Variants in CDC25C observed in about 807,000 individuals in gnomAD.
CDC25C encodes M-phase inducer phosphatase 3.
Under a neutral mutation model 52.5 loss-of-function variants are expected in CDC25C, and 48 were observed. That is an observed-to-expected ratio of 0.91 (90% confidence interval 0.72 to 1.16). The LOEUF (loss-of-function observed/expected upper bound fraction) is 1.16. Ranked by LOEUF, CDC25C falls within the 50% of genes most tolerant of loss-of-function variation. CDC25C has a pLI of 0.00. For missense variants in CDC25C, 510 were observed against 566.1 expected (o/e 0.90, Z 1.01); for synonymous variants, 187 against 206.5 (o/e 0.91, Z 0.81).
chr5:138,326,795 A>G (rs1319413446), intron 4 of CDC25C, among the ~76,000 whole-genome samples: 1 of 152,004 alleles, frequency 6.6e-6, no homozygotes, highest in Non-Finnish European at 1.5e-5. Flanking sequence ...TCTACTAAAA[A>G]TACAAAATTA....
At chr5:138,317,682 T>TAAAAAAAAAAAAAAA (rs70982706) in intron 7 of CDC25C, among the ~76,000 whole-genome samples, 5 of 54,246 alleles carry the variant, frequency 9.2e-5, no homozygotes, top group Non-Finnish European at 9.4e-5. Flanking sequence ...CCTGTCTATC[T>TAAAAAAAAAAAAAAA]AAAAAAAAAA....
At chr5:138,291,857 G>T in intron 8 of CDC25C, 113 bp downstream of exon 8, 1 of 744,850 alleles carries the variant, frequency 1.3e-6, no homozygotes, top group East Asian at 2.7e-5. Flanking sequence ...AGAGGAAAAA[G>T]TAAAAGTAAA....
At chr5:138,300,895 C>T (rs534286653) in intron 7 of CDC25C, among the ~76,000 whole-genome samples, 3 of 152,178 alleles carry the variant, frequency 2.0e-5, no homozygotes, top group African/African-American at 7.2e-5. Flanking sequence ...AAATAACAAG[C>T]TTCTAAGTAA....
chr5:138,298,867 AC>A (rs1757411318), intron 7 of CDC25C, among the ~76,000 whole-genome samples: 1 of 152,104 alleles, frequency 6.6e-6, no homozygotes, highest in Non-Finnish European at 1.5e-5. Context: ...AAATCAGTTA[AC>A]AGAAAAAATC....
chr5:138,290,488 C>T, intron 9 of CDC25C, 151 bp downstream of exon 9: 1 of 582,492 alleles, frequency 1.7e-6, no homozygotes, highest in Non-Finnish European at 3.1e-6. Context: ...TCTGGAAAGG[C>T]TTAGGGCCTG....
intron 7 of CDC25C, among the ~76,000 whole-genome samples, chr5:138,303,650 A>C (rs1424596053): frequency 6.6e-6 from 1 of 151,838 alleles, no homozygotes; most frequent in Non-Finnish European, 1.5e-5. Flanking sequence ...CTCAAACGTC[A>C]CTCTCAAATA....
At position 138,325,837 on chromosome 5, in the gene CDC25C, C is replaced by G; in HGVS notation, c.437G>C (p.Ser146Thr). Residue 146 changes from serine (S) to threonine (T), a missense_variant, in exon 6 of 14, where the codon AGT (serine) becomes ACT (threonine). Ser to Thr is a moderately conservative substitution (Grantham distance 58). Transcript: ENST00000323760. Reference protein sequence around the residue: ...RGHRKRDAMCSSSANKENDNG... With the variant: ...RGHRKRDAMCTSSANKENDNG... ...CACATTTTCTTTATTTGCAGATGAA[C>G]TACACATTGCATCTCTCTTTCTATG... 6.2e-7 allele frequency: 1 copy of G among 1,612,276 alleles called. No individual in the cohort carries two copies. The highest frequency in any genetic ancestry group is 8.5e-7 in the Non-Finnish European group (1 of 1,178,298).
rs997088724 is a variant in CDC25C at position 138,316,025 on chromosome 5, T to C, written c.615+3194A>G. ...CACGGAGCAGGCAGAAGCCCTGCCC[T>C]CCTGGGTGGGCTTGCAGCCGCCCAA... is the stretch of plus-strand genomic sequence containing the variant. On this transcript the variant is annotated intron_variant, in intron 7 of 13. Coordinates refer to ENST00000323760, the MANE Select transcript of CDC25C (RefSeq NM_001790.5). Among the ~76,000 whole-genome samples, 6 of 152,344 alleles carry C rather than the reference T, an allele frequency of 3.9e-5. No homozygotes were observed. The East Asian group carries it at 7.7e-4, about 20-fold the overall frequency.
intron 13 of CDC25C, 85 bp from the exon 14 acceptor site, chr5:138,285,926 T>C (rs1756174299): frequency 6.5e-7 from 1 of 1,549,806 alleles, no homozygotes. Flanking sequence ...CTGCTGGCAG[T>C]GGCTAAGGAG....
At chr5:138,332,382 C>T (rs1253013073), upstream of CDC25C, among the ~76,000 whole-genome samples, 1 of 152,150 alleles carries the variant, frequency 6.6e-6, no homozygotes, top group African/African-American at 2.4e-5. Context: ...GCATTAGCCC[C>T]TTCCAAGAGC....
chr5:138,287,238 C>G lies in CDC25C; in HGVS notation c.957G>C (p.Gln319His). The part of the protein sequence containing the change: ...TVAALLSGKF[Q>H]GLIEKFYVID... ...TGACATAAAACTTCTCAATCAGACC[C>G]TGGAACTTCCCCGACAGTAAGGCAG... Residue 319 changes from glutamine (Q) to histidine (H), a missense_variant, in exon 11 of 14, where the codon CAG becomes CAC. Gln to His is a conservative substitution (Grantham distance 24, BLOSUM62 0). Coordinates refer to ENST00000323760, the MANE Select transcript of CDC25C (RefSeq NM_001790.5). 1.2e-6 allele frequency: 2 copies of G among 1,614,058 alleles called. No individual in the cohort carries two copies. The highest frequency in any genetic ancestry group is 1.7e-6 in the Non-Finnish European group (2 of 1,179,974).
intron 6 of CDC25C, among the ~76,000 whole-genome samples, chr5:138,320,028 C>A (rs536320445): frequency 1.3e-5 from 2 of 152,160 alleles, no homozygotes; most frequent in Admixed American, 1.3e-4. Flanking sequence ...AAGCAGGGGC[C>A]GGGCGCAGTA....
Position 138,331,780 on chromosome 5 carries a change from A to G in CDC25C, c.-224T>C, listed in dbSNP as rs1760408703. On this transcript the variant is annotated 5_prime_UTR_variant, in exon 1 of 14. Coordinates refer to ENST00000323760, the MANE Select transcript of CDC25C (RefSeq NM_001790.5). Reference sequence around the variant, plus strand: ...CAGAGTCTTCCCTGAGCAGAAGGCCAAAGTTACGGCCTCTGAGCAAGAATA... The same window carrying G: ...CAGAGTCTTCCCTGAGCAGAAGGCCGAAGTTACGGCCTCTGAGCAAGAATA... 1 of 986,552 alleles carries G rather than the reference A, an allele frequency of 1.0e-6. No homozygotes were observed. 61.1% of individuals were successfully genotyped at this position (986,552 alleles called of 1,614,324 possible).
chr5:138,319,018 T>G (rs1172819601), intron 7 of CDC25C, among the ~76,000 whole-genome samples: 1 of 152,224 alleles, frequency 6.6e-6, no homozygotes, highest in Non-Finnish European at 1.5e-5. Context: ...CTGTACTTCA[T>G]TTCCATTTTC....
chr5:138,301,249 T>C (rs1757605708), intron 7 of CDC25C, among the ~76,000 whole-genome samples: 1 of 152,142 alleles, frequency 6.6e-6, no homozygotes, highest in South Asian at 2.1e-4. Context: ...ATATAACCAA[T>C]ATCAGGAATG....
intron 7 of CDC25C, among the ~76,000 whole-genome samples, chr5:138,313,167 G>C (rs916900304): frequency 6.6e-6 from 1 of 151,954 alleles, no homozygotes; most frequent in African/African-American, 2.4e-5. Flanking sequence ...CCTGAGGTCA[G>C]ATATTCAAGA....
chr5:138,318,492 T>C (rs917063895), intron 7 of CDC25C, among the ~76,000 whole-genome samples: 50 of 152,014 alleles, frequency 3.3e-4, no homozygotes, highest in African/African-American at 1.2e-3. Flanking sequence ...GGTGGGTAGA[T>C]CACCTGAGGC....
upstream of CDC25C, among the ~76,000 whole-genome samples, chr5:138,333,934 A>G (rs1264217326): frequency 1.3e-5 from 2 of 151,986 alleles, no homozygotes; most frequent in South Asian, 2.1e-4. Flanking sequence ...CTAGCTCTTA[A>G]GAGTATTTTT....
Position 138,289,553 on chromosome 5 carries a change from A to C in CDC25C, c.875T>G (p.Leu292Arg). The C allele has an allele frequency of 6.2e-7, 1 of 1,613,416 alleles. No individual in the cohort carries two copies. The highest frequency in any genetic ancestry group is 8.5e-7 in the Non-Finnish European group (1 of 1,179,342). Residue 292 changes from leucine to arginine, a missense_variant, in exon 10 of 14, where the codon CTG becomes CGG. Transcript: ENST00000323760. ...LIGDFSKVCALPTVSGKHQDL... is the reference protein window; with the variant it reads ...LIGDFSKVCARPTVSGKHQDL... ...TTGGTGTTTCCCTGACACGGTTGGC[A>C]GCGCACATACCTAGAAATACACAAG...
Sources: allele counts gnomAD v4.1 joint callset (sites outside exome capture counted in the v4.1 genomes callset), GRCh38; gene constraint gnomAD v4.1.1; transcripts MANE v1.5; gene names NCBI Gene and HGNC (gene_info 2026-07-23, HGNC 2026-07-21).